The following EPHA6 variants were observed in gnomAD, a reference collection of about 807,000 sequenced individuals.
EPHA6 encodes EPH receptor A6.
EPHA6 carries 50 observed loss-of-function variants against 112.0 expected under a neutral mutation model. The ratio of observed to expected loss-of-function variants is 0.45; its 90% CI spans 0.36 to 0.56. The LOEUF is 0.56. Ranked by LOEUF, EPHA6 falls within the 20% of genes least tolerant of loss-of-function variation. EPHA6 has a pLI of 0.00. For missense variants in EPHA6, 1,280 were observed against 1,417.4 expected (o/e 0.90, Z 1.56); for synonymous variants, 529 against 490.7 (o/e 1.08, Z -1.03).
chr3:97,664,305 A>G (rs1458322154), intron 14 of EPHA6, among the ~76,000 whole-genome samples: 1 of 152,094 alleles, frequency 6.6e-6, no homozygotes, highest in East Asian at 1.9e-4. Flanking sequence ...CTCTGATGGT[A>G]GTTTCTTTTG....
In EPHA6 at chr3:97,532,855, A is replaced by G. The variant is rs142300217; in HGVS notation, c.2386+312A>G. On this transcript the variant is annotated intron_variant, in intron 11 of 17. Transcript: ENST00000389672. ...TGAAATGTCAATAGTAACAGAACAA[A>G]CACTTTCAGTGTTTTGGGTCATTAA... Among the ~76,000 whole-genome samples, 1,302 of 152,146 alleles carry G rather than the reference A, an allele frequency of 8.6e-3. 18 individuals are homozygous for G. The highest frequency in any genetic ancestry group is 0.03 in the African/African-American group (1,238 of 41,558).
intron 11 of EPHA6, among the ~76,000 whole-genome samples, chr3:97,587,634 T>C (rs1344940500): frequency 6.6e-6 from 1 of 152,210 alleles, no homozygotes. Context: ...ATGGGTGGAA[T>C]CTGTACTTTC....
intron 5 of EPHA6, among the ~76,000 whole-genome samples, chr3:97,328,243 G>A: frequency 6.6e-6 from 1 of 151,548 alleles, no homozygotes; most frequent in East Asian, 1.9e-4. Flanking sequence ...GGGCCTTATG[G>A]AAACTGCATG....
At chr3:97,542,565 G>A (rs1414289937) in intron 11 of EPHA6, among the ~76,000 whole-genome samples, 1 of 152,166 alleles carries the variant, frequency 6.6e-6, no homozygotes, top group Non-Finnish European at 1.5e-5. Flanking sequence ...ACGTGTGCAT[G>A]TGTCTTTATA....
intron 3 of EPHA6, among the ~76,000 whole-genome samples, chr3:97,049,642 G>T (rs2045622838): frequency 6.6e-6 from 1 of 152,130 alleles, no homozygotes; most frequent in Admixed American, 6.6e-5. Flanking sequence ...CTGAGACTGG[G>T]TAATTTACAA....
At chr3:97,319,667 C>CA (rs1340197693) in intron 5 of EPHA6, among the ~76,000 whole-genome samples, 2,435 of 54,046 alleles carry the variant, frequency 0.045, 53 homozygotes, top group African/African-American at 0.11. Flanking sequence ...GAGATTGTCT[C>CA]AAAAAAAAAA....
intron 10 of EPHA6, among the ~76,000 whole-genome samples, chr3:97,500,728 C>T (rs1244834555): frequency 1.3e-5 from 2 of 152,084 alleles, no homozygotes; most frequent in African/African-American, 4.8e-5. Flanking sequence ...TCTGGATATA[C>T]CTGAATTAAT....
intron 5 of EPHA6, among the ~76,000 whole-genome samples, chr3:97,401,203 T>A (rs1577249202): frequency 6.6e-6 from 1 of 151,764 alleles, no homozygotes; most frequent in Non-Finnish European, 1.5e-5. Context: ...ATTCTGTTGA[T>A]GTGATAGTTA....
chr3:97,703,002 C>T (rs576331979), intron 14 of EPHA6, among the ~76,000 whole-genome samples: 2 of 152,182 alleles, frequency 1.3e-5, no homozygotes, highest in Admixed American at 6.5e-5. Context: ...AAGAGATACT[C>T]AGGGAAGGGA....
At position 96,987,993 on chromosome 3, in the gene EPHA6, G is replaced by A; in HGVS notation, c.1114G>A (p.Ala372Thr). 22 of 1,527,390 alleles carry A rather than the reference G, an allele frequency of 1.4e-5. No homozygotes were observed. Among genetic ancestry groups the A allele is most frequent in the South Asian group, 5.2e-5 (4 of 77,102 alleles). The allele number at this position is 1,527,390 out of a possible 1,614,324, so 94.6% of individuals were successfully genotyped here. The change falls in exon 3 of 18, where the codon GCT becomes ACT. Residue 372 changes from alanine to threonine, a missense_variant and splice_region_variant. By Grantham distance (58) the Ala-to-Thr change is moderately conservative. Coordinates refer to ENST00000389672, the MANE Select transcript of EPHA6 (RefSeq NM_001080448.3). ...GYEEIEGSCH[A>T]CRPGFYKAFA... ...TGAAGAAATTGAGGGTTCTTGCCAT[G>A]GTAAGAAACAAACATTTAAATAATT...
At chr3:97,322,187 T>C (rs893152691) in intron 5 of EPHA6, among the ~76,000 whole-genome samples, 1 of 152,084 alleles carries the variant, frequency 6.6e-6, no homozygotes, top group African/African-American at 2.4e-5. Flanking sequence ...CAAAAAATGT[T>C]TAGATGCTAA....
intron 2 of EPHA6, among the ~76,000 whole-genome samples, chr3:96,978,190 A>G (rs1160630198): frequency 6.6e-6 from 1 of 152,140 alleles, no homozygotes; most frequent in East Asian, 1.9e-4. Flanking sequence ...TAAGGAAGAG[A>G]AAATATATTG....
At chr3:97,170,002 T>C (rs567808681) in intron 3 of EPHA6, among the ~76,000 whole-genome samples, 1 of 151,752 alleles carries the variant, frequency 6.6e-6, no homozygotes, top group Admixed American at 6.6e-5. Context: ...TTAGGACAAA[T>C]ACCTAATGCA....
intron 3 of EPHA6, among the ~76,000 whole-genome samples, chr3:97,031,278 C>T (rs1160549023): frequency 3.3e-5 from 5 of 151,934 alleles, no homozygotes; most frequent in East Asian, 1.9e-4. Context: ...TTCCTTACAC[C>T]GTATACAAAA....
intron 15 of EPHA6, among the ~76,000 whole-genome samples, chr3:97,724,685 G>A (rs540360843): frequency 2.0e-5 from 3 of 152,068 alleles, no homozygotes; most frequent in Non-Finnish European, 4.4e-5. Context: ...AAGAGTTCCA[G>A]GTGACAGTGA....
chr3:97,584,511 C>T (rs1403624245), intron 11 of EPHA6, among the ~76,000 whole-genome samples: 3 of 152,222 alleles, frequency 2.0e-5, no homozygotes, highest in East Asian at 3.9e-4. Flanking sequence ...CTTATTGCAC[C>T]CAATGGACCC....
chr3:97,297,950 G>C (rs991729877), intron 5 of EPHA6, among the ~76,000 whole-genome samples: 1 of 151,980 alleles, frequency 6.6e-6, no homozygotes, highest in Non-Finnish European at 1.5e-5. Context: ...TTTTAGTAGA[G>C]ACAGGGTTTC....
chr3:97,118,392 C>A (rs1473924652), intron 3 of EPHA6, among the ~76,000 whole-genome samples: 1 of 151,604 alleles, frequency 6.6e-6, no homozygotes, highest in African/African-American at 2.4e-5. Context: ...TTAAAAACTA[C>A]CTATCTCATC....
intron 1 of EPHA6, among the ~76,000 whole-genome samples, chr3:96,847,218 A>G (rs1389466134): frequency 6.6e-6 from 1 of 152,160 alleles, no homozygotes; most frequent in Non-Finnish European, 1.5e-5. Flanking sequence ...AAATATAATT[A>G]TAACTAGGTC....
Sources: gnomAD v4.1 joint callset for allele counts (sites outside exome capture counted in the v4.1 genomes callset) on GRCh38, gnomAD v4.1.1 for gene constraint, MANE v1.5 for transcripts, NCBI Gene and HGNC (gene_info 2026-07-23, HGNC 2026-07-21) for gene names.